Variants in FBLN2 observed in about 807,000 individuals in gnomAD.
The protein encoded by FBLN2 is fibulin 2.
Under a neutral mutation model 123.7 loss-of-function variants are expected in FBLN2, and 81 were observed. The ratio of observed to expected loss-of-function variants is 0.65; its 90% CI spans 0.55 to 0.79. FBLN2 has a LOEUF of 0.79. Among genes scored for constraint, FBLN2 ranks in the 30% least tolerant of loss-of-function variants. FBLN2 has a pLI of 0.00. For synonymous variants in FBLN2, 699 were observed against 701.4 expected (o/e 1.00, Z 0.05); for missense variants, 1,603 against 1,681.3 (o/e 0.95, Z 0.81).
chr3:13,626,414 G>A, intron 9 of FBLN2, 31 bp from the exon 10 acceptor site: 1 of 1,545,236 alleles, frequency 6.5e-7, no homozygotes, highest in African/African-American at 1.4e-5. Flanking sequence ...TGGGGACTCT[G>A]CAGCCTCTGA....
intron 1 of FBLN2, among the ~76,000 whole-genome samples, chr3:13,565,105 C>T (rs1703704888): frequency 6.6e-6 from 1 of 152,210 alleles, no homozygotes; most frequent in African/African-American, 2.4e-5. Flanking sequence ...GCTGGACACT[C>T]CCTGGGGAGA....
In FBLN2 at chr3:13,631,485, C is replaced by T. The variant is rs572552516; in HGVS notation, c.3214+28C>T. 1.7e-3 allele frequency: 2,592 copies of T among 1,564,836 alleles called. 76 individuals carry two copies. In the South Asian group the frequency reaches 0.029, roughly 17 times the overall value. On this transcript the variant is annotated intron_variant, in intron 16 of 17. Coordinates refer to ENST00000404922, the MANE Select transcript of FBLN2 (RefSeq NM_001004019.2). ...GAGCAAGTCCCCCCACACGCCCCCG[C>T]CTCCATCAGGGCCTTGGGCAGGCTC...
Position 13,576,037 on chromosome 3 carries a change from C to T in FBLN2, c.1306+4376C>T, listed in dbSNP as rs1026325337. ...AGGGCGAGTTCTGTGCCCTGCCCACCGTAAGCAGGCTGGAAGCAGAGTTGG... is the reference window on the plus strand; with the variant it reads ...AGGGCGAGTTCTGTGCCCTGCCCACTGTAAGCAGGCTGGAAGCAGAGTTGG... On this transcript the variant is annotated intron_variant, in intron 2 of 17. Transcript: ENST00000404922. Among the ~76,000 whole-genome samples the T allele has an allele frequency of 2.6e-5, 4 of 152,316 alleles. No individual in the cohort carries two copies. In the East Asian group the frequency reaches 5.8e-4, roughly 22 times the overall value.
intron 1 of FBLN2, among the ~76,000 whole-genome samples, chr3:13,559,917 C>G (rs1703561563): frequency 6.6e-6 from 1 of 152,124 alleles, no homozygotes; most frequent in African/African-American, 2.4e-5. Context: ...GGTGTGCCTC[C>G]TTCTAGGGTC....
chr3:13,583,381 C>T (rs1253431892), intron 2 of FBLN2, among the ~76,000 whole-genome samples: 1 of 152,274 alleles, frequency 6.6e-6, no homozygotes, highest in African/African-American at 2.4e-5. Flanking sequence ...TCCATGGTTC[C>T]TGAAACCAGT....
chr3:13,563,041 T>C lies in FBLN2; in HGVS notation c.-41-7274T>C, dbSNP rs1292154415. Among the ~76,000 whole-genome samples the C allele has an allele frequency of 2.6e-5, 4 of 152,262 alleles. No homozygotes were observed. The East Asian group carries it at 7.7e-4, about 29-fold the overall frequency. On this transcript the variant is annotated intron_variant, in intron 1 of 17. Transcript: ENST00000404922. ...ATCCATCCATTGATGGTCACTTGGC[T>C]TGATCCGTGTGACTCGAGTCTATCA...
At chr3:13,609,065 C>G (rs1005193837) in intron 3 of FBLN2, among the ~76,000 whole-genome samples, 1 of 152,206 alleles carries the variant, frequency 6.6e-6, no homozygotes. Flanking sequence ...CCCTGTCCCC[C>G]GTAATCCCCG....
At chr3:13,634,864 A>C (rs191276277) in intron 16 of FBLN2, among the ~76,000 whole-genome samples, 59 of 152,192 alleles carry the variant, frequency 3.9e-4, no homozygotes, top group African/African-American at 1.4e-3. Flanking sequence ...GGACACCTGC[A>C]CCTGCCCCGT....
chr3:13,619,804 A>C lies in FBLN2; in HGVS notation c.2128A>C (p.Ile710Leu), dbSNP rs781729573. 1.3e-5 allele frequency: 21 copies of C among 1,612,682 alleles called. No homozygotes were observed. The highest frequency in any genetic ancestry group is 1.8e-5 in the Non-Finnish European group (21 of 1,179,354). Residue 710 changes from isoleucine (I) to leucine (L), a missense_variant, in exon 8 of 18, where the codon ATC becomes CTC. Coordinates refer to ENST00000404922, the MANE Select transcript of FBLN2 (RefSeq NM_001004019.2). ...AICSCFPGYAIMADGVSCEDQ... is the reference protein window; with the variant it reads ...AICSCFPGYALMADGVSCEDQ... Reference sequence around the variant, plus strand: ...ATGCTCCTGTTTTCCCGGCTATGCCATCATGGCGGATGGCGTGTCCTGTGA... The same window carrying C: ...ATGCTCCTGTTTTCCCGGCTATGCCCTCATGGCGGATGGCGTGTCCTGTGA...
At position 13,556,912 on chromosome 3, in the gene FBLN2, G is replaced by A. The variant is rs1039721008; in HGVS notation, c.-42+7704G>A. Among the ~76,000 whole-genome samples, 5 of 152,314 alleles carry A rather than the reference G, an allele frequency of 3.3e-5. No homozygotes were observed. In the East Asian group the frequency reaches 9.6e-4, roughly 29 times the overall value. ...AGGACTAGTGATCTGTCAGCCCTGG[G>A]TCAAGTTGCAGCCACCAGGACTCCC... On this transcript the variant is annotated intron_variant, in intron 1 of 17. Transcript: ENST00000404922.
intron 4 of FBLN2, among the ~76,000 whole-genome samples, chr3:13,612,240 A>G (rs1705413506): frequency 1.3e-5 from 2 of 150,778 alleles, no homozygotes; most frequent in Admixed American, 1.3e-4. Context: ...ACCCTGGACT[A>G]GTTCTCTTTT....
At chr3:13,603,249 T>TTA (rs199918491) in intron 2 of FBLN2, among the ~76,000 whole-genome samples, 18,007 of 149,618 alleles carry the variant, frequency 0.12, 1,340 homozygotes, top group East Asian at 0.34. Context: ...TTTTTTTTTT[T>TTA]AATTATACTT....
intron 1 of FBLN2, among the ~76,000 whole-genome samples, chr3:13,549,508 G>T (rs1211153961): frequency 6.6e-6 from 1 of 151,724 alleles, no homozygotes; most frequent in African/African-American, 2.4e-5. Flanking sequence ...AGCTTCCTCC[G>T]CTCTGGGTTT....
chr3:13,609,667 G>C (rs1435048912), intron 4 of FBLN2, 25 bp downstream of exon 4: 3 of 1,521,142 alleles, frequency 2.0e-6, no homozygotes, highest in Non-Finnish European at 2.6e-6. Flanking sequence ...TGGCCTTCAA[G>C]GCAGGGTGGG....
At chr3:13,596,404 T>C (rs573866869) in intron 2 of FBLN2, among the ~76,000 whole-genome samples, 4 of 152,372 alleles carry the variant, frequency 2.6e-5, no homozygotes, top group Non-Finnish European at 4.4e-5. Context: ...TTAGGTTGTT[T>C]CTGGATCTTT....
chr3:13,549,253 C>A (rs1553615365), intron 1 of FBLN2, 45 bp downstream of exon 1: 1 of 977,336 alleles, frequency 1.0e-6, no homozygotes, highest in Non-Finnish European at 1.2e-6. Flanking sequence ...CCCCGTCGGT[C>A]CGCGCCTCGC....
intron 5 of FBLN2, among the ~76,000 whole-genome samples, chr3:13,615,148 A>G (rs1288613188): frequency 6.6e-6 from 1 of 152,214 alleles, no homozygotes; most frequent in Non-Finnish European, 1.5e-5. Context: ...ACCCATGACC[A>G]TTAGCCTCCT....
intron 1 of FBLN2, among the ~76,000 whole-genome samples, chr3:13,557,212 GGAGCCATT>G (rs1380397735): frequency 2.0e-5 from 3 of 152,230 alleles, no homozygotes; most frequent in Non-Finnish European, 4.4e-5. Context: ...GCGCATGTCT[GGAGCCATT>G]CCCTGAGCCT....
chr3:13,585,706 G>A (rs933018894), intron 2 of FBLN2, among the ~76,000 whole-genome samples: 1 of 152,120 alleles, frequency 6.6e-6, no homozygotes, highest in East Asian at 1.9e-4. Flanking sequence ...CAGGAGAATC[G>A]CTTGAACCCA....
Sources: gnomAD v4.1 joint callset for allele counts (sites outside exome capture counted in the v4.1 genomes callset) on GRCh38, gnomAD v4.1.1 for gene constraint, MANE v1.5 for transcripts, NCBI Gene and HGNC (gene_info 2026-07-23, HGNC 2026-07-21) for gene names.